Variants in COL1A2 observed in about 807,000 individuals in gnomAD.
The protein encoded by COL1A2 is collagen alpha-2(I) chain.
In COL1A2, 49 loss-of-function variants were observed where a neutral mutation model predicts 174.3. The observed-to-expected ratio is 0.28, with a 90% CI of 0.22 to 0.36. The LOEUF (loss-of-function observed/expected upper bound fraction) is 0.36, where lower values mean the gene tolerates loss of function less well. Among genes scored for constraint, COL1A2 ranks in the 10% least tolerant of loss-of-function variants. COL1A2 has a pLI of 1.00. For missense variants in COL1A2, 1,438 were observed against 1,822.7 expected, an observed-to-expected ratio of 0.79 and a Z score of 3.84; for synonymous variants, 655 against 606.6, an observed-to-expected ratio of 1.08 and a Z score of -1.17.
At chr7:94,421,169 T>C in intron 38 of COL1A2, 107 bp downstream of exon 38, 1 of 1,124,426 alleles carries the variant, frequency 8.9e-7, no homozygotes, top group Non-Finnish European at 1.3e-6. Context: ...TGAGGAAACT[T>C]TTGAGATTCA....
Position 94,423,063 on chromosome 7 carries a change from T to A in COL1A2, c.2510T>A (p.Val837Asp), listed in dbSNP as rs1262234458. The A allele has an allele frequency of 8.1e-6, 13 of 1,614,042 alleles. No homozygotes were observed. In the Admixed American group the frequency reaches 2.2e-4, roughly 27 times the overall value. ...PVGRTGEVGA[V>D]GPPGFAGEKG... ...GGCCGAACTGGAGAAGTAGGTGCAGTTGGTCCCCCTGGCTTCGCTGGTGAG... is the reference window on the plus strand; with the variant it reads ...GGCCGAACTGGAGAAGTAGGTGCAGATGGTCCCCCTGGCTTCGCTGGTGAG... The change falls in exon 40 of 52, where the codon GTT (valine) becomes GAT (aspartate). Residue 837 changes from valine to aspartate, a missense_variant. Physicochemically the swap from Val to Asp is radical, Grantham distance 152 (BLOSUM62 -3). Coordinates refer to ENST00000297268, the MANE Select transcript of COL1A2 (RefSeq NM_000089.4).
chr7:94,412,389 T>A (rs1415024666), intron 24 of COL1A2, among the ~76,000 whole-genome samples, 195 bp from the exon 25 acceptor site: 1 of 151,748 alleles, frequency 6.6e-6, no homozygotes, highest in African/African-American at 2.4e-5. Context: ...ATTGCATACA[T>A]ACGAGATTGA....
intron 12 of COL1A2, 113 bp from the exon 13 acceptor site, chr7:94,407,734 A>G: frequency 1.1e-6 from 1 of 880,282 alleles, no homozygotes; most frequent in Non-Finnish European, 1.8e-6. Flanking sequence ...ATGTGTAAGA[A>G]ATATTATGAA....
Position 94,410,473 on chromosome 7 carries a change from A to C in COL1A2, c.1143A>C (p.Arg381Ser). Residue 381 changes from arginine (R) to serine (S), a missense_variant, in exon 21 of 52, where the codon AGA becomes AGC. By Grantham distance (110) the Arg-to-Ser change is moderately radical. Coordinates refer to ENST00000297268, the MANE Select transcript of COL1A2 (RefSeq NM_000089.4). Reference protein sequence around the residue: ...PPGPSGEEGKRGPNGEAGSAG... With the variant: ...PPGPSGEEGKSGPNGEAGSAG... ...GTCCCAGTGGTGAAGAAGGAAAGAG[A>C]GGCCCTAATGGGGAAGCTGGATCTG... 2 of 1,550,502 alleles carry C rather than the reference A, an allele frequency of 1.3e-6. No individual in the cohort carries two copies. The highest frequency in any genetic ancestry group is 1.7e-6 in the Non-Finnish European group (2 of 1,147,072).
intron 13 of COL1A2, 44 bp from the exon 14 acceptor site, chr7:94,408,139 T>TA (rs747433736): frequency 6.2e-7 from 1 of 1,602,542 alleles, no homozygotes; most frequent in South Asian, 1.1e-5. Flanking sequence ...TGACTTTTTT[T>TA]AAATTAGCAT....
intron 28 of COL1A2, 77 bp from the exon 29 acceptor site, chr7:94,414,145 C>A (rs1791989007): frequency 6.7e-7 from 1 of 1,495,556 alleles, no homozygotes; most frequent in Non-Finnish European, 9.3e-7. Flanking sequence ...TGGTAGCCAC[C>A]ACCCCCAAAC....
At chr7:94,421,171 T>G (rs1479891602) in intron 38 of COL1A2, 109 bp downstream of exon 38, 1 of 1,112,264 alleles carries the variant, frequency 9.0e-7, no homozygotes, top group Non-Finnish European at 1.4e-6. Context: ...AGGAAACTTT[T>G]GAGATTCAAG....
At position 94,413,733 on chromosome 7, in the gene COL1A2, C is replaced by T. The variant is rs1791980750; in HGVS notation, c.1601C>T (p.Pro534Leu). ...PDGNNGAQGP[P>L]GPQGVQGGKG... ...GGAAACAATGGTGCTCAGGGACCTC[C>T]TGGACCACAGGTGAGTATTTCTCCC... The change falls in exon 27 of 52, where the codon CCT becomes CTT. Residue 534 changes from proline to leucine, a missense_variant. Coordinates refer to ENST00000297268, the MANE Select transcript of COL1A2 (RefSeq NM_000089.4). 3 of 1,614,070 alleles carry T rather than the reference C, an allele frequency of 1.9e-6. No individual in the cohort carries two copies. The highest frequency in any genetic ancestry group is 1.6e-4 in the Middle Eastern group (1 of 6,084).
chr7:94,421,757 C>A, intron 38 of COL1A2, 142 bp from the exon 39 acceptor site: 15 of 684,780 alleles, frequency 2.2e-5, no homozygotes, highest in Non-Finnish European at 3.9e-5. Context: ...CTAAATAATG[C>A]CCTATATGAA....
intron 46 of COL1A2, 193 bp from the exon 47 acceptor site, chr7:94,426,815 T>C: frequency 1.6e-6 from 1 of 639,356 alleles, no homozygotes; most frequent in Non-Finnish European, 2.7e-6. Flanking sequence ...AATATTGCAC[T>C]GCTGAAATAG....
At chr7:94,411,712 A>G (rs1355264951) in intron 23 of COL1A2, among the ~76,000 whole-genome samples, 1 of 152,238 alleles carries the variant, frequency 6.6e-6, no homozygotes, top group African/African-American at 2.4e-5. Flanking sequence ...GACACCAAAT[A>G]TAGCAATAAG....
chr7:94,407,701 G>A (rs1243082664), intron 12 of COL1A2, 146 bp from the exon 13 acceptor site: 1 of 678,804 alleles, frequency 1.5e-6, no homozygotes, highest in Admixed American at 2.6e-5. Flanking sequence ...CTGTGTGTCT[G>A]GCATAATTGA....
chr7:94,412,960 A>G, intron 25 of COL1A2, 123 bp from the exon 26 acceptor site: 1 of 966,048 alleles, frequency 1.0e-6, no homozygotes, highest in Non-Finnish European at 1.7e-6. Flanking sequence ...AACAGAAACC[A>G]CAGACTAGGG....
In COL1A2 at chr7:94,409,406, C is replaced by T. The variant is rs1365024484; in HGVS notation, c.877C>T (p.Pro293Ser). The change falls in exon 17 of 52, where the codon CCC (proline) becomes TCC (serine). Residue 293 changes from proline (P) to serine (S), a missense_variant. Around this residue, in one of 3 missense-constraint regions of COL1A2, gnomAD observed 867 missense variants for 1,213.7 expected, o/e 0.71. Transcript: ENST00000297268. ...GEVGLPGLSGPVGPPGNPGAN... is the reference protein window; with the variant it reads ...GEVGLPGLSGSVGPPGNPGAN... ...AGTGGGTCTTCCAGGCCTCTCCGGC[C>T]CCGTTGGACCTCCTGTAAGTAGCCA... The T allele has an allele frequency of 1.2e-6, 2 of 1,613,978 alleles. No homozygotes were observed. The highest frequency in any genetic ancestry group is 1.7e-6 in the Non-Finnish European group (2 of 1,180,026).
rs533381219 is a variant in COL1A2, at chr7:94,414,929, TTTATC to T, written c.1720-292_1720-288del. On this transcript the variant is annotated intron_variant, in intron 29 of 51. Coordinates refer to ENST00000297268, the MANE Select transcript of COL1A2 (RefSeq NM_000089.4). Reference sequence around the variant, plus strand: ...AGGCAATGTCTAATATTCATTATTATTTATCTTATTATTGAAGGAAATAGTCTGTC... The same window carrying T: ...AGGCAATGTCTAATATTCATTATTATTTATTATTGAAGGAAATAGTCTGTC... Among the ~76,000 whole-genome samples the T allele has an allele frequency of 2.7e-3, 416 of 152,368 alleles. 2 individuals carry two copies. Among genetic ancestry groups the T allele is most frequent in the Non-Finnish European group, 4.3e-3 (291 of 68,036 alleles).
At chr7:94,421,688 C>T (rs1379655258) in intron 38 of COL1A2, among the ~76,000 whole-genome samples, 3 of 152,148 alleles carry the variant, frequency 2.0e-5, no homozygotes, top group Admixed American at 6.5e-5. Flanking sequence ...ATGGGCATTG[C>T]AACTGGTAAT....
chr7:94,413,636 C>G, intron 26 of COL1A2, 54 bp from the exon 27 acceptor site: 3 of 1,559,924 alleles, frequency 1.9e-6, no homozygotes, highest in Non-Finnish European at 1.8e-6. Flanking sequence ...TTTGAGACAT[C>G]TTAAACTACC....
chr7:94,410,961 A>C lies in COL1A2; in HGVS notation c.1251+19A>C. On this transcript the variant is annotated intron_variant, in intron 22 of 51. Transcript: ENST00000297268. ...CGTCATGGTAAGCTGTCTATCACTT[A>C]CTTCCTAGAAAGGGGCTTGCTGCTT... The C allele has an allele frequency of 6.2e-7, 1 of 1,613,082 alleles. No homozygotes were observed. Among genetic ancestry groups the C allele is most frequent in the Non-Finnish European group, 8.5e-7 (1 of 1,179,772 alleles).
At chr7:94,407,792 C>G in intron 12 of COL1A2, 55 bp from the exon 13 acceptor site, 1 of 1,524,152 alleles carries the variant, frequency 6.6e-7, no homozygotes, top group Non-Finnish European at 9.1e-7. Flanking sequence ...ATTGCACTAT[C>G]AGGAAAAATA....
Sources: gnomAD v4.1 joint callset for allele counts (sites outside exome capture counted in the v4.1 genomes callset) on GRCh38, gnomAD v4.1.1 for gene constraint, gnomAD v4.1.1 regional missense constraint, MANE v1.5 for transcripts, NCBI Gene and HGNC (gene_info 2026-07-23, HGNC 2026-07-21) for gene names.